Variants in TRIM37 observed in about 807,000 individuals in gnomAD.
TRIM37 encodes E3 ubiquitin-protein ligase TRIM37.
TRIM37 carries 80 observed loss-of-function variants against 129.8 expected under a neutral mutation model. The ratio of observed to expected loss-of-function variants is 0.62; its 90% CI spans 0.51 to 0.74. TRIM37 has a LOEUF of 0.74. Among genes scored for constraint, TRIM37 ranks in the 30% least tolerant of loss-of-function variants. The probability of loss-of-function intolerance (pLI) is 0.00; values close to 1 mark genes in which losing one functional copy is unlikely to be tolerated. For missense variants in TRIM37, 1,054 were observed against 1,176.5 expected, an observed-to-expected ratio of 0.90 and a Z score of 1.52; for synonymous variants, 389 against 387.1, an observed-to-expected ratio of 1.00 and a Z score of -0.06.
At chr17:59,015,586 C>T in intron 21 of TRIM37, 24 bp downstream of exon 21, 1 of 1,610,672 alleles carries the variant, frequency 6.2e-7, no homozygotes, top group Non-Finnish European at 8.5e-7. Context: ...TATACCATTA[C>T]ATATACAAAA....
intron 7 of TRIM37, among the ~76,000 whole-genome samples, chr17:59,079,254 C>CA (rs1288588394): frequency 6.6e-6 from 1 of 152,036 alleles, no homozygotes; most frequent in Non-Finnish European, 1.5e-5. Context: ...GCTCCACAAT[C>CA]AAAGAAGAAT....
intron 9 of TRIM37, among the ~76,000 whole-genome samples, chr17:59,065,472 C>T (rs755852797): frequency 2.0e-5 from 3 of 152,206 alleles, no homozygotes; most frequent in Non-Finnish European, 4.4e-5. Flanking sequence ...ACTTTAGTCC[C>T]ATCCAATCTT....
At chr17:59,092,408 A>C (rs1031347992) in intron 2 of TRIM37, among the ~76,000 whole-genome samples, 1 of 151,890 alleles carries the variant, frequency 6.6e-6, no homozygotes, top group Non-Finnish European at 1.5e-5. Context: ...CAAAAAAAAA[A>C]AAACAAAAAA....
chr17:59,034,400 T>C lies in TRIM37; in HGVS notation c.1754-2310A>G, dbSNP rs139227311. ...GACCTTTGGCTACTCCCCTTTCAAA[T>C]GTTCCCAGCTTTCTTTTCTTTTTTG... On this transcript the variant is annotated intron_variant, in intron 17 of 23. Transcript: ENST00000262294. Among the ~76,000 whole-genome samples, 301 of 152,096 alleles carry C rather than the reference T, an allele frequency of 2.0e-3. 3 individuals carry two copies. Among genetic ancestry groups the C allele is most frequent in the African/African-American group, 7.1e-3 (293 of 41,508 alleles).
In TRIM37 at chr17:59,084,037, A is replaced by G; in HGVS notation, c.334T>C (p.Cys112Arg). The G allele has an allele frequency of 6.2e-7, 1 of 1,613,916 alleles. No homozygotes were observed. The highest frequency in any genetic ancestry group is 8.5e-7 in the Non-Finnish European group (1 of 1,179,934). ...CAAAGTGCACACTGATGGCAGATAC[A>G]CTTCTTACAAGTCCAGCAAAATACA... ...LSVFCWTCKKCICHQCALWGG... is the reference protein window; with the variant it reads ...LSVFCWTCKKRICHQCALWGG... Residue 112 changes from cysteine to arginine, a missense_variant, in exon 5 of 24, where the codon TGT (cysteine) becomes CGT (arginine). By Grantham distance (180) the Cys-to-Arg change is radical. Transcript: ENST00000262294.
intron 19 of TRIM37, among the ~76,000 whole-genome samples, chr17:59,020,543 T>C (rs188264788): frequency 3.3e-5 from 5 of 152,224 alleles, no homozygotes; most frequent in African/African-American, 4.8e-5. Flanking sequence ...TGGAAAACTA[T>C]AGTAACTGAC....
chr17:58,980,540 G>T, downstream of TRIM37: 2 of 1,614,136 alleles, frequency 1.2e-6, no homozygotes, highest in Non-Finnish European at 1.7e-6. This position sits in a 1 kb window ranked among gnomAD's most constrained non-coding sequence, Gnocchi z 4.7. Context: ...TGAGATGTTT[G>T]GTCCTGGTGC....
chr17:59,015,414 T>C (rs983646541), intron 21 of TRIM37, among the ~76,000 whole-genome samples, 196 bp downstream of exon 21: 1 of 152,030 alleles, frequency 6.6e-6, no homozygotes, highest in African/African-American at 2.4e-5. Flanking sequence ...CACTCCAGCC[T>C]GGGTGACAGA....
intron 2 of TRIM37, among the ~76,000 whole-genome samples, chr17:59,094,979 G>A (rs2044719169): frequency 6.6e-6 from 1 of 152,148 alleles, no homozygotes; most frequent in African/African-American, 2.4e-5. Flanking sequence ...ACTTTGGCAG[G>A]CCAAGGTGGG....
At chr17:59,051,367 T>C (rs1293777840) in intron 13 of TRIM37, 39 bp from the exon 14 acceptor site, 5 of 1,391,726 alleles carry the variant, frequency 3.6e-6, no homozygotes, top group Non-Finnish European at 3.1e-6. Context: ...AAAATTCAAA[T>C]AGTAAAACAT....
At chr17:59,058,293 T>C (rs186245752) in intron 12 of TRIM37, among the ~76,000 whole-genome samples, 123 of 152,282 alleles carry the variant, frequency 8.1e-4, no homozygotes, top group Admixed American at 2.0e-3. Context: ...GAAAACCAAA[T>C]ACCACGTGTT....
Position 59,023,814 on chromosome 17 carries a change from T to C in TRIM37, c.2257+4601A>G, listed in dbSNP as rs78271611. Among the ~76,000 whole-genome samples the C allele has an allele frequency of 9.6e-3, 1,460 of 152,226 alleles. 8 individuals carry two copies. Among genetic ancestry groups the C allele is most frequent in the Middle Eastern group, 0.02 (6 of 294 alleles). On this transcript the variant is annotated intron_variant, in intron 19 of 23. Coordinates refer to ENST00000262294, the MANE Select transcript of TRIM37 (RefSeq NM_015294.6). ...ACTGTTGAGGTACCTGCCTAGACAA[T>C]GCAATACAAAAAGTAAGCAGAAAAT...
intron 19 of TRIM37, among the ~76,000 whole-genome samples, chr17:59,027,181 A>G (rs2037336133): frequency 6.6e-6 from 1 of 152,158 alleles, no homozygotes; most frequent in Non-Finnish European, 1.5e-5. Flanking sequence ...TAGGATATCT[A>G]GCAGGTGTCT....
chr17:58,999,358 A>C lies in TRIM37; in HGVS notation c.*19T>G, dbSNP rs2033370767. ...TCAGGGTCAAGGTAGCTTGCAAGTC[A>C]GTTCTCTTGATTTGGCAATTACCTT... is the stretch of plus-strand genomic sequence containing the variant. On this transcript the variant is annotated 3_prime_UTR_variant, in exon 24 of 24. Coordinates refer to ENST00000262294, the MANE Select transcript of TRIM37 (RefSeq NM_015294.6). 5.0e-6 allele frequency: 8 copies of C among 1,613,766 alleles called. No homozygotes were observed. The African/African-American group carries it at 8.0e-5, about 16-fold the overall frequency.
At chr17:59,067,980 T>C (rs2042051710) in intron 9 of TRIM37, among the ~76,000 whole-genome samples, 1 of 152,344 alleles carries the variant, frequency 6.6e-6, no homozygotes, top group African/African-American at 2.4e-5. Flanking sequence ...CTGATAGAAC[T>C]AAAGGCAATA....
At chr17:59,103,484 G>A (rs2147672853) in intron 2 of TRIM37, among the ~76,000 whole-genome samples, 1 of 151,776 alleles carries the variant, frequency 6.6e-6, no homozygotes, top group South Asian at 2.1e-4. Context: ...TGGGATTACA[G>A]GCACACACCA....
the TRIM37 span, chr17:58,969,354 C>A: frequency 2.8e-6 from 2 of 707,218 alleles, no homozygotes; most frequent in Non-Finnish European, 2.6e-6. Context: ...AACACAGATA[C>A]CCTAATATTG....
chr17:59,075,702 G>C lies in TRIM37; in HGVS notation c.629C>G (p.Ser210Cys). Reference sequence around the variant, plus strand: ...CAAAAGCTCTGTTTCTTGGGTTAGAGATGTCTTCTGACCTGATGAAAAATA... The same window carrying C: ...CAAAAGCTCTGTTTCTTGGGTTAGACATGTCTTCTGACCTGATGAAAAATA... Reference protein sequence around the residue: ...KLITLMGQKTSLTQETELLES... With the variant: ...KLITLMGQKTCLTQETELLES... Residue 210 changes from serine to cysteine, a missense_variant, in exon 8 of 24, where the codon TCT becomes TGT. This residue lies in a region of TRIM37 where 752 missense variants were observed against 870.8 expected (regional missense o/e 0.86). Transcript: ENST00000262294. 6.2e-7 allele frequency: 1 copy of C among 1,610,206 alleles called. No homozygotes were observed.
chr17:58,982,918 TTATC>T lies in TRIM37; in HGVS notation c.2892-1_2894del. On this transcript the variant is annotated splice_acceptor_variant and coding_sequence_variant, in exon 25 of 25. Transcript: ENST00000393066. LOFTEE classifies it high-confidence loss of function. Reference sequence around the variant, plus strand: ...GGTGCAGTGTCAGTTTCAAATCAAATTATCTAAGAAAACAAGAAAACAAAGGCAG... The same window carrying T: ...GGTGCAGTGTCAGTTTCAAATCAAATTAAGAAAACAAGAAAACAAAGGCAG... 6.3e-7 allele frequency: 1 copy of T among 1,577,166 alleles called. No homozygotes were observed. Among genetic ancestry groups the T allele is most frequent in the Non-Finnish European group, 8.6e-7 (1 of 1,160,076 alleles).
Sources: allele counts gnomAD v4.1 joint callset (sites outside exome capture counted in the v4.1 genomes callset), GRCh38; gene constraint gnomAD v4.1.1; regional missense constraint gnomAD v4.1.1; non-coding constraint Gnocchi (gnomAD v3.1); transcripts MANE v1.5; gene names NCBI Gene and HGNC (gene_info 2026-07-23, HGNC 2026-07-21).